Variants in SRPK2 observed in about 807,000 individuals in gnomAD.
The protein encoded by SRPK2 is SRSF protein kinase 2, also known as SFRS protein kinase 2.
In SRPK2, 21 loss-of-function variants were observed where a neutral mutation model predicts 90.8. That is an observed-to-expected ratio of 0.23 (90% CI 0.16 to 0.33). The LOEUF is 0.33. Among genes scored for constraint, SRPK2 ranks in the 10% least tolerant of loss-of-function variants. SRPK2 has a pLI of 1.00. For missense variants in SRPK2, 620 were observed against 869.0 expected (o/e 0.71, Z 3.60); for synonymous variants, 288 against 311.1 (o/e 0.93, Z 0.78).
intron 2 of SRPK2, among the ~76,000 whole-genome samples, chr7:105,333,666 T>A (rs1289748453): frequency 6.6e-6 from 1 of 152,196 alleles, no homozygotes; most frequent in Non-Finnish European, 1.5e-5. Context: ...TGTACAGTTT[T>A]ATGAGGGAGA....
chr7:105,357,104 C>T (rs1021945969), intron 2 of SRPK2, among the ~76,000 whole-genome samples: 1 of 150,860 alleles, frequency 6.6e-6, no homozygotes, highest in African/African-American at 2.4e-5. Context: ...GGTGCGATCT[C>T]GGCCTCACTG....
intron 2 of SRPK2, among the ~76,000 whole-genome samples, chr7:105,382,717 T>C (rs560309583): frequency 1.2e-4 from 18 of 152,274 alleles, no homozygotes; most frequent in African/African-American, 3.8e-4. Flanking sequence ...CATTAAGTGA[T>C]AGAGAACAGA....
At chr7:105,341,382 G>A (rs1204074) in intron 2 of SRPK2, among the ~76,000 whole-genome samples, 22,353 of 47,096 alleles carry the variant, frequency 0.47, 3,656 homozygotes, top group African/African-American at 0.59. Flanking sequence ...AAAAAAAAAA[G>A]GGGGAATGTG....
chr7:105,126,024 G>T, intron 15 of SRPK2: 1 of 656,348 alleles, frequency 1.5e-6, no homozygotes, highest in Non-Finnish European at 2.6e-6. Context: ...GCTGGATTCA[G>T]GATCCAGAGC....
chr7:105,125,802 T>C, intron 15 of SRPK2: 1 of 1,286,386 alleles, frequency 7.8e-7, no homozygotes, highest in Non-Finnish European at 1.0e-6. Context: ...GAAAAACTCC[T>C]TGGAGTATTT....
chr7:105,227,893 C>CAAAAAAA (rs566478716), intron 2 of SRPK2, among the ~76,000 whole-genome samples: 6 of 84,690 alleles, frequency 7.1e-5, no homozygotes, highest in Non-Finnish European at 1.2e-4. Context: ...TATCATTCAG[C>CAAAAAAA]AAAAAAAAAA....
intron 3 of SRPK2, among the ~76,000 whole-genome samples, chr7:105,191,514 C>T (rs1383200897): frequency 6.6e-6 from 1 of 152,176 alleles, no homozygotes; most frequent in Non-Finnish European, 1.5e-5. Context: ...GCTGTGATCA[C>T]ACCACTGCCT....
rs372058790 is a variant in SRPK2 at position 105,132,837 on chromosome 7, C to G, written c.1706G>C (p.Gly569Ala). Residue 569 changes from glycine to alanine, a missense_variant, in exon 13 of 16, where the codon GGA (glycine) becomes GCA (alanine). Gly to Ala is a moderately conservative substitution (Grantham distance 60, BLOSUM62 0). Around this residue, in one of 8 missense-constraint regions of SRPK2, gnomAD observed 25 missense variants for 21.4 expected, o/e 1.17. Coordinates refer to ENST00000393651, the MANE Select transcript of SRPK2 (RefSeq NM_182692.3). ...RQYRSIEVLIGAGYSTPADIW... is the reference protein window; with the variant it reads ...RQYRSIEVLIAAGYSTPADIW... ...GTCCGCAGGGGTGCTGTACCCCGCT[C>G]CTATTAAAACCTCTATGGAGCGGTA... 8 of 1,610,462 alleles carry G rather than the reference C, an allele frequency of 5.0e-6. No individual in the cohort carries two copies. The highest frequency in any genetic ancestry group is 6.8e-6 in the Non-Finnish European group (8 of 1,178,216).
Position 105,167,414 on chromosome 7 carries a change from G to T in SRPK2, c.477C>A (p.Leu159=). The T allele has an allele frequency of 1.9e-6, 3 of 1,613,866 alleles. No individual in the cohort carries two copies. Among genetic ancestry groups the T allele is most frequent in the Non-Finnish European group, 1.7e-6 (2 of 1,179,826 alleles). Residue 159 remains leucine, a synonymous_variant, in exon 6 of 16, where the codon CTC becomes CTA. Coordinates refer to ENST00000393651, the MANE Select transcript of SRPK2 (RefSeq NM_182692.3). The part of the protein sequence containing the change: ...SDPNKDMVVQ[L]IDDFKISGMN... ...TGCCTGAAATCTTGAAGTCGTCAATGAGCTGGACCACCATGTCTTTGTTTG... is the reference window on the plus strand; with the variant it reads ...TGCCTGAAATCTTGAAGTCGTCAATTAGCTGGACCACCATGTCTTTGTTTG...
intron 2 of SRPK2, among the ~76,000 whole-genome samples, chr7:105,233,091 A>AGAAAGAAG (rs1213029003): frequency 2.5e-4 from 23 of 91,846 alleles, no homozygotes; most frequent in African/African-American, 9.8e-4. Context: ...AAGGAAGGAA[A>AGAAAGAAG]GAAGGAAGGA....
intron 2 of SRPK2, among the ~76,000 whole-genome samples, chr7:105,211,639 C>G (rs887624429): frequency 1.3e-5 from 2 of 152,112 alleles, no homozygotes; most frequent in Non-Finnish European, 2.9e-5. Context: ...AGAACAGCAT[C>G]AAAGTGGAAA....
chr7:105,312,437 C>CAAAAAAA (rs61348366), intron 2 of SRPK2, among the ~76,000 whole-genome samples: 28,274 of 84,172 alleles, frequency 0.34, 7,029 homozygotes, highest in Non-Finnish European at 0.37. Context: ...GAGACTCCGT[C>CAAAAAAA]AAAAAAAAAA....
chr7:105,381,302 C>T lies in SRPK2; in HGVS notation c.71+7346G>A, dbSNP rs187410436. ...AATATTAAAATGAAATCTGGCCAGG[C>T]GCAGTGGCTCAAGCCTGTAATCCCA... is the stretch of plus-strand genomic sequence containing the variant. On this transcript the variant is annotated intron_variant, in intron 2 of 15. Coordinates refer to ENST00000393651, the MANE Select transcript of SRPK2 (RefSeq NM_182692.3). 3.2e-3 allele frequency among the ~76,000 whole-genome samples: 480 copies of T among 152,038 alleles called. 16 individuals carry two copies. In the East Asian group the frequency reaches 0.064, roughly 20 times the overall value.
intron 2 of SRPK2, chr7:105,205,915 T>C (rs376125849): frequency 6.0e-5 from 30 of 503,756 alleles, no homozygotes; most frequent in Non-Finnish European, 1.2e-4. Context: ...AAAAAATGAG[T>C]ACATTCTCTG....
At chr7:105,286,300 T>C (rs1010965385) in intron 2 of SRPK2, among the ~76,000 whole-genome samples, 3 of 152,222 alleles carry the variant, frequency 2.0e-5, no homozygotes, top group South Asian at 4.1e-4. Context: ...GTTTATAATC[T>C]TGCTGCTCCA....
chr7:105,352,379 G>T (rs577189730), intron 2 of SRPK2, among the ~76,000 whole-genome samples: 1 of 152,278 alleles, frequency 6.6e-6, no homozygotes, highest in South Asian at 2.1e-4. Flanking sequence ...CTGACATGTT[G>T]TGAGAACATT....
At chr7:105,283,435 A>T (rs1032969467) in intron 2 of SRPK2, among the ~76,000 whole-genome samples, 28 of 152,268 alleles carry the variant, frequency 1.8e-4, no homozygotes, top group Admixed American at 7.2e-4. Context: ...TGGTATATAC[A>T]TATGTAAAAG....
At chr7:105,375,769 G>T (rs1358928545) in intron 2 of SRPK2, among the ~76,000 whole-genome samples, 2 of 151,918 alleles carry the variant, frequency 1.3e-5, no homozygotes, top group African/African-American at 4.8e-5. Flanking sequence ...AAGTTTTTTG[G>T]GTTTTCCAAA....
chr7:105,362,957 T>C (rs1000678775), intron 2 of SRPK2, among the ~76,000 whole-genome samples: 1 of 151,706 alleles, frequency 6.6e-6, no homozygotes, highest in African/African-American at 2.4e-5. Flanking sequence ...AACCAAACAC[T>C]GCATGTTCTC....
Sources: gnomAD v4.1 joint callset for allele counts (sites outside exome capture counted in the v4.1 genomes callset) on GRCh38, gnomAD v4.1.1 for gene constraint, gnomAD v4.1.1 regional missense constraint, MANE v1.5 for transcripts, NCBI Gene and HGNC (gene_info 2026-07-23, HGNC 2026-07-21) for gene names.